AOX1: variants seen among roughly 807,000 people sequenced by gnomAD.
AOX1 encodes aldehyde oxidase.
In AOX1, 153 loss-of-function variants were observed where a neutral mutation model predicts 169.5. That is an observed-to-expected ratio of 0.90 (90% CI 0.79 to 1.03). The LOEUF (loss-of-function observed/expected upper bound fraction) is 1.03, where lower values mean the gene tolerates loss of function less well. Ranked by LOEUF, AOX1 falls within the 50% of genes least tolerant of loss-of-function variation. AOX1 has a pLI of 0.00. For missense variants in AOX1, 1,656 were observed against 1,663.9 expected (o/e 1.00, Z 0.08); for synonymous variants, 562 against 581.9 (o/e 0.97, Z 0.49).
chr2:200,643,421 A>G (rs746992800), intron 25 of AOX1, among the ~76,000 whole-genome samples: 1 of 151,946 alleles, frequency 6.6e-6, no homozygotes, highest in Non-Finnish European at 1.5e-5. Context: ...ATACATACAT[A>G]CATACACACA....
chr2:200,646,827 T>C (rs1020616561), intron 25 of AOX1, among the ~76,000 whole-genome samples: 1 of 152,342 alleles, frequency 6.6e-6, no homozygotes, highest in East Asian at 1.9e-4. Flanking sequence ...TTTGTCTCTT[T>C]TAACTCTGTT....
rs1424392690 is a variant in AOX1, at chr2:200,586,072, T to C, written c.-37T>C. ...CCCGCTACTTCCCAGAACCTCCGCC[T>C]CCCGCTCCGGGCCCTCGAACCAGCG... On this transcript the variant is annotated 5_prime_UTR_variant, in exon 1 of 35. Transcript: ENST00000374700. The C allele has an allele frequency of 6.5e-7, 1 of 1,548,204 alleles. No homozygotes were observed.
rs143571444 is a variant in AOX1, at chr2:200,662,932, C to T, written c.3506C>T (p.Ser1169Phe). 1 of 1,614,070 alleles carries T rather than the reference C, an allele frequency of 6.2e-7. No individual in the cohort carries two copies. The highest frequency in any genetic ancestry group is 1.3e-5 in the African/African-American group (1 of 75,022). The change falls in exon 31 of 35, where the codon TCC becomes TTC. Residue 1169 changes from serine (S) to phenylalanine (F), a missense_variant. Transcript: ENST00000374700. ...TACTTTGTTTATGGAGCTGCCTGTT[C>T]CGAGGTTGAAATAGACTGCCTGACG... ...FEYFVYGAAC[S>F]EVEIDCLTGD...
rs542629944 is a variant in AOX1 at position 200,602,418 on chromosome 2, AG to A, written c.498+79del. 1.5e-4 allele frequency: 195 copies of A among 1,329,674 alleles called. 2 individuals carry two copies. The South Asian group carries it at 2.3e-3, about 15-fold the overall frequency. The allele number at this position is 1,329,674 out of a possible 1,614,324, so 82.4% of individuals were successfully genotyped here. On this transcript the variant is annotated intron_variant, in intron 6 of 34. Coordinates refer to ENST00000374700, the MANE Select transcript of AOX1 (RefSeq NM_001159.4). ...GAAATGGTAATGGTTGTCAGTGATT[AG>A]GGGGGCAGCCATCTTACTAATACAT...
At chr2:200,657,190 A>ATATATATATT in intron 27 of AOX1, among the ~76,000 whole-genome samples, 33 of 62,880 alleles carry the variant, frequency 5.2e-4, no homozygotes, top group Non-Finnish European at 7.3e-4. Context: ...ATATATATAT[A>ATATATATATT]TTTTTTTTTT....
Position 200,642,621 on chromosome 2 carries a change from G to A in AOX1, c.2667G>A (p.Met889Ile), listed in dbSNP as rs1208297451. The A allele has an allele frequency of 6.2e-7, 1 of 1,613,874 alleles. No individual in the cohort carries two copies. The highest frequency in any genetic ancestry group is 1.3e-5 in the African/African-American group (1 of 74,920). Residue 889 changes from methionine (M) to isoleucine (I), a missense_variant, in exon 25 of 35, where the codon ATG becomes ATA. Physicochemically the swap from Met to Ile is conservative, Grantham distance 10. Coordinates refer to ENST00000374700, the MANE Select transcript of AOX1 (RefSeq NM_001159.4). ...SLDESLFVIE[M>I]GLLKMDNAYK... is the part of the protein sequence containing the mutation. ...CTGGATTTCTCCAGGTGATAGAAAT[G>A]GGACTTCTGAAAATGGACAATGCTT...
At chr2:200,664,885 CTGAG>C (rs2035897268) in intron 31 of AOX1, among the ~76,000 whole-genome samples, 1 of 152,236 alleles carries the variant, frequency 6.6e-6, no homozygotes, top group Non-Finnish European at 1.5e-5. Flanking sequence ...CACACCACTT[CTGAG>C]GGGCTGGCCT....
rs747762591 is a variant in AOX1, at chr2:200,637,044, A to C, written c.2480A>C (p.Lys827Thr). ...IAAVTAFAAN[K>T]HGRAVRCVLE... ...GCCGTCACTGCATTTGCCGCAAACA[A>C]GTAAGTGGAGAAAATCTGCTAAAAA... The change falls in exon 22 of 35, where the codon AAA becomes ACA. Residue 827 changes from lysine (K) to threonine (T), a missense_variant and splice_region_variant. By Grantham distance (78) the Lys-to-Thr change is moderately conservative. Coordinates refer to ENST00000374700, the MANE Select transcript of AOX1 (RefSeq NM_001159.4). 45 of 1,613,722 alleles carry C rather than the reference A, an allele frequency of 2.8e-5. No individual in the cohort carries two copies. Among genetic ancestry groups the C allele is most frequent in the Non-Finnish European group, 1.8e-5 (21 of 1,179,878 alleles).
At chr2:200,663,133 T>G (rs2035860110) in intron 31 of AOX1, among the ~76,000 whole-genome samples, 164 bp downstream of exon 31, 1 of 152,144 alleles carries the variant, frequency 6.6e-6, no homozygotes, top group South Asian at 2.1e-4. Context: ...ACAATTGCCT[T>G]GGTGATCTGG....
intron 20 of AOX1, among the ~76,000 whole-genome samples, chr2:200,628,287 G>T (rs2035046629): frequency 6.6e-6 from 1 of 152,098 alleles, no homozygotes; most frequent in South Asian, 2.1e-4. Context: ...CCTAAAAACA[G>T]GATGTTGTCT....
chr2:200,595,967 A>AT (rs1183438734), intron 3 of AOX1, among the ~76,000 whole-genome samples: 1 of 152,064 alleles, frequency 6.6e-6, no homozygotes, highest in African/African-American at 2.4e-5. Flanking sequence ...TATGTTTGGT[A>AT]TTTATCCTTC....
At chr2:200,593,374 A>G (rs2034214702) in intron 2 of AOX1, among the ~76,000 whole-genome samples, 171 bp downstream of exon 2, 1 of 152,192 alleles carries the variant, frequency 6.6e-6, no homozygotes, top group African/African-American at 2.4e-5. Context: ...GCAGTGCACA[A>G]ATGTGGCCGT....
At chr2:200,667,152 G>C (rs1441371811) in intron 32 of AOX1, among the ~76,000 whole-genome samples, 5 of 152,098 alleles carry the variant, frequency 3.3e-5, no homozygotes, top group Non-Finnish European at 5.9e-5. Context: ...AGTAGCTGTT[G>C]GTAGGCAGCC....
chr2:200,623,742 C>T, intron 18 of AOX1, 119 bp from the exon 19 acceptor site: 1 of 1,489,772 alleles, frequency 6.7e-7, no homozygotes, highest in Non-Finnish European at 9.2e-7. Flanking sequence ...GGGGTCACAC[C>T]TGTGTGTATC....
chr2:200,653,274 G>A (rs2035617770), intron 26 of AOX1, among the ~76,000 whole-genome samples: 2 of 152,326 alleles, frequency 1.3e-5, no homozygotes. Context: ...CTTACGTGCT[G>A]AAAATATTTA....
chr2:200,661,554 A>C, intron 29 of AOX1, 25 bp from the exon 30 acceptor site: 3 of 1,600,840 alleles, frequency 1.9e-6, no homozygotes, highest in Admixed American at 1.7e-5. Context: ...TCCTTGTTGC[A>C]TCATGCTATG....
intron 20 of AOX1, among the ~76,000 whole-genome samples, chr2:200,632,936 G>T (rs1192391553): frequency 7.0e-6 from 1 of 142,666 alleles, no homozygotes; most frequent in Non-Finnish European, 1.5e-5. Flanking sequence ...TCACTCTGTC[G>T]CCCAGGCTGG....
intron 32 of AOX1, 62 bp from the exon 33 acceptor site, chr2:200,668,553 T>G: frequency 7.2e-7 from 1 of 1,395,228 alleles, no homozygotes; most frequent in Non-Finnish European, 9.8e-7. Context: ...GAAGTTGAAA[T>G]GCTACTTAGT....
intron 31 of AOX1, 122 bp from the exon 32 acceptor site, chr2:200,666,565 G>T: frequency 2.0e-6 from 1 of 495,496 alleles, no homozygotes; most frequent in Non-Finnish European, 3.3e-6. Context: ...TGCTTCTTTC[G>T]AAATGACATG....
Sources: gnomAD v4.1 joint callset for allele counts (sites outside exome capture counted in the v4.1 genomes callset) on GRCh38, gnomAD v4.1.1 for gene constraint, MANE v1.5 for transcripts, NCBI Gene and HGNC (gene_info 2026-07-23, HGNC 2026-07-21) for gene names.